The following STK32B variants were observed in gnomAD, a reference collection of about 807,000 sequenced individuals.
STK32B encodes the protein serine/threonine kinase 32B, also known as serine/threonine-protein kinase 32B.
STK32B carries 43 observed loss-of-function variants against 52.6 expected under a neutral mutation model. The observed-to-expected ratio is 0.82, with a 90% CI of 0.64 to 1.05. STK32B has a LOEUF of 1.05. Ranked by LOEUF, STK32B falls within the 50% of genes least tolerant of loss-of-function variation. The pLI is 0.00. For synonymous variants in STK32B, 238 were observed against 204.3 expected (o/e 1.17, Z -1.41); for missense variants, 621 against 534.6 (o/e 1.16, Z -1.59).
At chr4:5,180,626 A>G (rs961431507) in intron 3 of STK32B, among the ~76,000 whole-genome samples, 1 of 152,182 alleles carries the variant, frequency 6.6e-6, no homozygotes, top group Non-Finnish European at 1.5e-5. Context: ...AGAAGAGGAC[A>G]CAGTGTGGAA....
intron 1 of STK32B, among the ~76,000 whole-genome samples, chr4:5,066,144 TCAC>T (rs1179795191): frequency 6.6e-6 from 1 of 152,188 alleles, no homozygotes; most frequent in Non-Finnish European, 1.5e-5. Context: ...CAACACAACT[TCAC>T]CAAACTAATT....
At chr4:5,388,072 T>C (rs1164893962) in intron 4 of STK32B, among the ~76,000 whole-genome samples, 1 of 152,156 alleles carries the variant, frequency 6.6e-6, no homozygotes, top group Non-Finnish European at 1.5e-5. Flanking sequence ...ACTATGACCA[T>C]GGAGAAGTCG....
chr4:5,371,709 A>G (rs1463863285), intron 4 of STK32B, among the ~76,000 whole-genome samples: 1 of 152,196 alleles, frequency 6.6e-6, no homozygotes, highest in Non-Finnish European at 1.5e-5. Flanking sequence ...CTTTGTCAAA[A>G]TTACTCAACC....
chr4:5,155,712 C>G lies in STK32B; in HGVS notation c.109-12587C>G, dbSNP rs577626062. 1.1e-4 allele frequency among the ~76,000 whole-genome samples: 17 copies of G among 152,264 alleles called. No individual in the cohort carries two copies. The South Asian group carries it at 2.3e-3, about 20-fold the overall frequency. On this transcript the variant is annotated intron_variant, in intron 2 of 11. Transcript: ENST00000282908. ...TTTTAAGGTGTGGCACTTCCTTGCTCTCTTTCTCCTCCTGCCTTGTGAAGA... is the reference window on the plus strand; with the variant it reads ...TTTTAAGGTGTGGCACTTCCTTGCTGTCTTTCTCCTCCTGCCTTGTGAAGA...
At chr4:5,269,628 T>C (rs1274379886) in intron 3 of STK32B, among the ~76,000 whole-genome samples, 1 of 152,132 alleles carries the variant, frequency 6.6e-6, no homozygotes, top group Non-Finnish European at 1.5e-5. Context: ...TAGATGAATT[T>C]TGTAAAAAAG....
At chr4:5,150,117 A>G (rs1717226012) in intron 2 of STK32B, among the ~76,000 whole-genome samples, 1 of 152,154 alleles carries the variant, frequency 6.6e-6, no homozygotes, top group Non-Finnish European at 1.5e-5. Flanking sequence ...CCAGTATGTA[A>G]TGTGTCACTT....
At chr4:5,448,145 A>C (rs962961680) in intron 7 of STK32B, among the ~76,000 whole-genome samples, 1 of 152,246 alleles carries the variant, frequency 6.6e-6, no homozygotes, top group Admixed American at 6.5e-5. Flanking sequence ...GTTAAGCAAC[A>C]ATTTTCTGCT....
intron 1 of STK32B, among the ~76,000 whole-genome samples, chr4:5,124,297 G>A (rs1248404873): frequency 1.3e-5 from 2 of 152,298 alleles, no homozygotes; most frequent in Middle Eastern, 3.4e-3. Context: ...AGAGCTATGT[G>A]CTTTCTGCTC....
rs374792643 is a variant in STK32B at position 5,156,286 on chromosome 4, TATAA to T, written c.109-12001_109-11998del. Among the ~76,000 whole-genome samples the T allele has an allele frequency of 1.2e-3, 176 of 152,094 alleles. No homozygotes were observed. The East Asian group carries it at 0.028, about 24-fold the overall frequency. ...ATATAATATAAATGCATGAATATTA[TATAA>T]ATAAATAAATATAAATGAATGAAGA... On this transcript the variant is annotated intron_variant, in intron 2 of 11. Coordinates refer to ENST00000282908, the MANE Select transcript of STK32B (RefSeq NM_018401.3).
intron 11 of STK32B, among the ~76,000 whole-genome samples, chr4:5,496,819 AC>A (rs1720305121): frequency 6.6e-6 from 1 of 151,764 alleles, no homozygotes; most frequent in African/African-American, 2.4e-5. Context: ...AAAAAAAAAA[AC>A]AGCATGAAGA....
chr4:5,204,805 G>A (rs1353769312), intron 3 of STK32B, among the ~76,000 whole-genome samples: 3 of 152,110 alleles, frequency 2.0e-5, no homozygotes, highest in Admixed American at 1.3e-4. Context: ...CTCAGCTCTG[G>A]TTCTTCATCC....
chr4:5,188,889 G>C (rs1720958552), intron 3 of STK32B, among the ~76,000 whole-genome samples: 1 of 151,368 alleles, frequency 6.6e-6, no homozygotes, highest in Non-Finnish European at 1.5e-5. Flanking sequence ...GGGAGGAATA[G>C]CGTTAGGAGA....
chr4:5,374,921 C>T (rs572511403), intron 4 of STK32B, among the ~76,000 whole-genome samples: 3 of 152,288 alleles, frequency 2.0e-5, no homozygotes, highest in Non-Finnish European at 2.9e-5. Flanking sequence ...TCCCTAAAAG[C>T]GGAGATTAGC....
At chr4:5,248,738 A>G (rs1725651369) in intron 3 of STK32B, among the ~76,000 whole-genome samples, 1 of 152,208 alleles carries the variant, frequency 6.6e-6, no homozygotes, top group Admixed American at 6.5e-5. Flanking sequence ...GTGGAATACT[A>G]TGCAGCCATA....
chr4:5,390,844 C>T (rs1736551671), intron 4 of STK32B, among the ~76,000 whole-genome samples: 1 of 152,104 alleles, frequency 6.6e-6, no homozygotes. Context: ...CTGCCTCTCT[C>T]CCAGTTTCCA....
At chr4:5,307,384 G>A (rs1207472460) in intron 3 of STK32B, among the ~76,000 whole-genome samples, 1 of 151,994 alleles carries the variant, frequency 6.6e-6, no homozygotes, top group African/African-American at 2.4e-5. Context: ...TGAAAACCTT[G>A]TCTTCAATCT....
At chr4:5,072,466 C>T (rs1711841259) in intron 1 of STK32B, among the ~76,000 whole-genome samples, 1 of 152,102 alleles carries the variant, frequency 6.6e-6, no homozygotes. Context: ...GCAGAAACCC[C>T]CTTACCTGTG....
At position 5,396,407 on chromosome 4, in the gene STK32B, C is replaced by G. The variant is rs1310884792; in HGVS notation, c.435-1800C>G. On this transcript the variant is annotated intron_variant, in intron 4 of 11. Coordinates refer to ENST00000282908, the MANE Select transcript of STK32B (RefSeq NM_018401.3). The surrounding 1 kb of genome is among the most constrained non-coding windows in gnomAD (Gnocchi z 4.7). ...AGTCCTCCCTAAATCCAGGATGATT[C>G]ATCTTGAGATCCTTAAGTAATTACC... 1.3e-5 allele frequency among the ~76,000 whole-genome samples: 2 copies of G among 152,150 alleles called. No homozygotes were observed. Among genetic ancestry groups the G allele is most frequent in the African/African-American group, 4.8e-5 (2 of 41,450 alleles).
chr4:5,088,424 T>A (rs1337921956), intron 1 of STK32B, among the ~76,000 whole-genome samples: 1 of 152,098 alleles, frequency 6.6e-6, no homozygotes. Context: ...TAATCAATAA[T>A]AATTATATGT....
Sources: gnomAD v4.1 joint callset for allele counts (sites outside exome capture counted in the v4.1 genomes callset) on GRCh38, gnomAD v4.1.1 for gene constraint, Gnocchi (gnomAD v3.1) non-coding constraint, MANE v1.5 for transcripts, NCBI Gene and HGNC (gene_info 2026-07-23, HGNC 2026-07-21) for gene names.